The following NTRK1 variants were observed in gnomAD, a reference collection of about 807,000 sequenced individuals.
NTRK1 encodes the protein neurotrophic receptor tyrosine kinase 1.
A neutral mutation model predicts 86.8 loss-of-function variants in NTRK1; 62 were observed. That is an observed-to-expected ratio of 0.71 (90% CI 0.58 to 0.88). The LOEUF is 0.88. Ranked by LOEUF, NTRK1 falls within the 40% of genes least tolerant of loss-of-function variation. NTRK1 has a pLI of 0.00. For synonymous variants in NTRK1, 469 were observed against 456.6 expected, an observed-to-expected ratio of 1.03 and a Z score of -0.35; for missense variants, 967 against 1,078.4, an observed-to-expected ratio of 0.90 and a Z score of 1.45.
intron 14 of NTRK1, among the ~76,000 whole-genome samples, chr1:156,878,293 G>A (rs190982278): frequency 5.3e-5 from 8 of 152,244 alleles, no homozygotes; most frequent in Admixed American, 4.6e-4. Flanking sequence ...CCCTTCGAAT[G>A]GCTTCAGGAC....
At position 156,868,662 on chromosome 1, in the gene NTRK1, G is replaced by T. The variant is rs374571467; in HGVS notation, c.717+15G>T. The T allele has an allele frequency of 5.8e-6, 9 of 1,549,902 alleles. No individual in the cohort carries two copies. Among genetic ancestry groups the T allele is most frequent in the African/African-American group, 2.7e-5 (2 of 73,046 alleles). The stretch of plus-strand genomic sequence containing the variant: ...CCACGGTGATGGTGAGAAGACCTTC[G>T]CTGGCAGCCCCCAAGAGGTCCAGGC... On this transcript the variant is annotated intron_variant, in intron 6 of 16. Coordinates refer to ENST00000524377, the MANE Select transcript of NTRK1 (RefSeq NM_002529.4).
At chr1:156,858,637 T>C (rs1359269196), upstream of NTRK1, 9 of 1,611,100 alleles carry the variant, frequency 5.6e-6, no homozygotes, top group African/African-American at 1.3e-5. Flanking sequence ...CAGCCCTGGC[T>C]TGTGTCCAGT....
At position 156,854,629 on chromosome 1, in the gene NTRK1, A is replaced by C. The variant is rs377417189; in HGVS notation, c.51-9725A>C. Reference sequence around the variant, plus strand: ...CGACTCCCAGCGACTTCATTCTTGCAGTCACCCTTAACACCTTTCTTTTTC... The same window carrying C: ...CGACTCCCAGCGACTTCATTCTTGCCGTCACCCTTAACACCTTTCTTTTTC... On this transcript the variant is annotated intron_variant, in intron 2 of 16. Coordinates refer to the NTRK1 transcript ENST00000392302. This position sits in a 1 kb window ranked among gnomAD's most constrained non-coding sequence, Gnocchi z 4.2. Among the ~76,000 whole-genome samples the C allele has an allele frequency of 4.6e-5, 7 of 152,310 alleles. No homozygotes were observed. In the East Asian group the frequency reaches 1.3e-3, roughly 29 times the overall value.
chr1:156,828,133 A>G (rs1029274302), intron 1 of NTRK1, among the ~76,000 whole-genome samples: 1 of 152,190 alleles, frequency 6.6e-6, no homozygotes, highest in Non-Finnish European at 1.5e-5. Flanking sequence ...CCAATGTTTG[A>G]AAATTATAAG....
At chr1:156,816,137 C>T (rs1653903933) in intron 1 of NTRK1, 2 of 1,574,886 alleles carry the variant, frequency 1.3e-6, no homozygotes, top group Non-Finnish European at 1.7e-6. Context: ...CAGAGAGGAA[C>T]TATGTCTGTC....
intron 1 of NTRK1, among the ~76,000 whole-genome samples, chr1:156,818,646 A>C (rs1431374595): frequency 6.6e-6 from 1 of 152,130 alleles, no homozygotes; most frequent in Non-Finnish European, 1.5e-5. Context: ...ACTGCAAAAG[A>C]CATTATTTCG....
chr1:156,841,713 G>C, intron 1 of NTRK1: 1 of 1,614,142 alleles, frequency 6.2e-7, no homozygotes, highest in Admixed American at 1.7e-5. Context: ...GGACTCGGGG[G>C]CCATCCAGCG....
chr1:156,832,877 C>T (rs1232538120), intron 1 of NTRK1, among the ~76,000 whole-genome samples: 2 of 152,208 alleles, frequency 1.3e-5, no homozygotes, highest in African/African-American at 4.8e-5. Flanking sequence ...GTCTTCTCTC[C>T]CAGCAGACAG....
intron 1 of NTRK1, among the ~76,000 whole-genome samples, chr1:156,822,313 T>G (rs1355019377): frequency 6.6e-6 from 1 of 152,100 alleles, no homozygotes; most frequent in African/African-American, 2.4e-5. Context: ...CCCTTCAAGA[T>G]GGTAGTCAAG....
At chr1:156,852,379 C>G (rs1343692917) in intron 2 of NTRK1, among the ~76,000 whole-genome samples, 1 of 152,250 alleles carries the variant, frequency 6.6e-6, no homozygotes, top group Non-Finnish European at 1.5e-5. Flanking sequence ...GGACTGTGGC[C>G]GTCTGTGGCT....
At chr1:156,866,729 T>C (rs1655949414) in intron 3 of NTRK1, among the ~76,000 whole-genome samples, 181 bp from the exon 4 acceptor site, 1 of 151,078 alleles carries the variant, frequency 6.6e-6, no homozygotes, top group South Asian at 2.1e-4. Context: ...ACTCAGAAAG[T>C]CCCCCCACCC....
intron 1 of NTRK1, chr1:156,816,725 G>A (rs1358687805): frequency 1.3e-6 from 2 of 1,592,634 alleles, no homozygotes; most frequent in East Asian, 4.7e-5. Flanking sequence ...AGCCTCACAA[G>A]GGATCCCAGA....
rs186024722 is a variant in NTRK1, at chr1:156,863,297, C to G, written c.213-1057C>G. 1.6e-3 allele frequency among the ~76,000 whole-genome samples: 248 copies of G among 152,242 alleles called. 2 individuals carry two copies. The highest frequency in any genetic ancestry group is 5.7e-3 in the African/African-American group (236 of 41,552). ...CTTATCTGTCTTCCTTCTTGCCTGT[C>G]ACTATCTCTCTGACCTCTTCCTGTC... On this transcript the variant is annotated intron_variant, in intron 1 of 16. Transcript: ENST00000524377.
chr1:156,841,074 C>T (rs1344292641), intron 1 of NTRK1: 8 of 1,570,334 alleles, frequency 5.1e-6, no homozygotes, highest in South Asian at 1.2e-5. Flanking sequence ...GGCGTGGGTT[C>T]GGCTGCCAGC....
intron 2 of NTRK1, among the ~76,000 whole-genome samples, chr1:156,843,739 C>T (rs150261117): frequency 3.3e-5 from 5 of 152,368 alleles, no homozygotes; most frequent in East Asian, 1.9e-4. Context: ...CCAAGCTGAT[C>T]GAGGTCCAGC....
chr1:156,815,855 T>TTC lies in NTRK1; in HGVS notation c.-64+27_-64+28dup, dbSNP rs751380885. 4.3e-6 allele frequency: 7 copies of TTC among 1,609,250 alleles called. No individual in the cohort carries two copies. In the South Asian group the frequency reaches 7.7e-5, roughly 18 times the overall value. On this transcript the variant is annotated intron_variant, in intron 1 of 16. Transcript: ENST00000392302. The stretch of plus-strand genomic sequence containing the variant: ...ATGAAGGAGGTACTCCTCATTTTCG[T>TTC]TCTCTCTCTCTGTGCCCCAGCCCGT...
In NTRK1 at chr1:156,874,936, G is replaced by T. The variant is rs142779943; in HGVS notation, c.1282G>T (p.Ala428Ser). ...VSVAVGLAVF[A>S]CLFLSTLLLV... ...GGTGGCTGTGGGCCTGGCCGTCTTT[G>T]CCTGCCTCTTCCTTTCTACGCTGCT... The change falls in exon 11 of 17, where the codon GCC (alanine) becomes TCC (serine). Residue 428 changes from alanine to serine, a missense_variant. Coordinates refer to ENST00000524377, the MANE Select transcript of NTRK1 (RefSeq NM_002529.4). The T allele has an allele frequency of 7.4e-6, 12 of 1,613,876 alleles. No individual in the cohort carries two copies. In the African/African-American group the frequency reaches 1.6e-4, roughly 22 times the overall value.
chr1:156,876,106 A>G lies in NTRK1; in HGVS notation c.1528A>G (p.Ile510Val). 6.2e-7 allele frequency: 1 copy of G among 1,614,178 alleles called. No individual in the cohort carries two copies. The highest frequency in any genetic ancestry group is 8.5e-7 in the Non-Finnish European group (1 of 1,180,028). ...TGTTCACCACATCAAGCGCCGGGAC[A>G]TCGTGCTCAAGTGGGAGCTGGGGGA... The part of the protein sequence containing the change: ...ACVHHIKRRD[I>V]VLKWELGEGA... The change falls in exon 13 of 17, where the codon ATC (isoleucine) becomes GTC (valine). Residue 510 changes from isoleucine (I) to valine (V), a missense_variant. By Grantham distance (29) the Ile-to-Val change is conservative (BLOSUM62 3). Around this residue, in one of 2 missense-constraint regions of NTRK1, gnomAD observed 637 missense variants for 776.5 expected, o/e 0.82. Transcript: ENST00000524377.
intron 1 of NTRK1, among the ~76,000 whole-genome samples, chr1:156,823,415 G>A (rs1654239309): frequency 1.3e-5 from 2 of 152,160 alleles, no homozygotes. Flanking sequence ...GATGGGGCAG[G>A]ACCAGTCCAC....
Sources: allele counts gnomAD v4.1 joint callset (sites outside exome capture counted in the v4.1 genomes callset), GRCh38; gene constraint gnomAD v4.1.1; regional missense constraint gnomAD v4.1.1; non-coding constraint Gnocchi (gnomAD v3.1); transcripts MANE v1.5; gene names NCBI Gene and HGNC (gene_info 2026-07-23, HGNC 2026-07-21).